DMTN: variants seen among roughly 807,000 people sequenced by gnomAD.
The protein encoded by DMTN is dematin.
In DMTN, 27 loss-of-function variants were observed where a neutral mutation model predicts 59.4. That is an observed-to-expected ratio of 0.45 (90% CI 0.33 to 0.63). The LOEUF (loss-of-function observed/expected upper bound fraction) is 0.63, where lower values mean the gene tolerates loss of function less well. Ranked by LOEUF, DMTN falls within the 20% of genes least tolerant of loss-of-function variation. The probability of loss-of-function intolerance (pLI) is 0.02; values close to 1 mark genes in which losing one functional copy is unlikely to be tolerated. For synonymous variants in DMTN, 221 were observed against 203.7 expected (o/e 1.08, Z -0.72); for missense variants, 451 against 528.9 (o/e 0.85, Z 1.45).
Position 22,069,016 on chromosome 8 carries a change from C to T in DMTN, c.250C>T (p.Arg84Cys), listed in dbSNP as rs779535109. The change falls in exon 5 of 16, where the codon CGC becomes TGC. Residue 84 changes from arginine to cysteine, a missense_variant and splice_region_variant. Physicochemically the swap from Arg to Cys is radical, Grantham distance 180. Coordinates refer to ENST00000358242, the MANE Select transcript of DMTN (RefSeq NM_001387751.1). The stretch of plus-strand genomic sequence containing the variant: ...TGACCAGCCCCCTCTCCATTCACAG[C>T]GCTCGCTGTCACCCAAATCCACATC... ...EHVELPRSRE[R>C]SLSPKSTSPP... The T allele has an allele frequency of 9.9e-6, 16 of 1,612,872 alleles. No homozygotes were observed. Among genetic ancestry groups the T allele is most frequent in the Admixed American group, 6.7e-5 (4 of 59,886 alleles).
At chr8:22,075,062 C>T (rs974644972) in intron 10 of DMTN, among the ~76,000 whole-genome samples, 5 of 151,862 alleles carry the variant, frequency 3.3e-5, no homozygotes, top group Non-Finnish European at 5.9e-5. Flanking sequence ...TGGCGCATGT[C>T]TGTAATCCCA....
chr8:22,078,071 A>G (rs1821030185), intron 10 of DMTN, among the ~76,000 whole-genome samples: 2 of 152,104 alleles, frequency 1.3e-5, no homozygotes, highest in Non-Finnish European at 1.5e-5. Flanking sequence ...TCATAAGAGT[A>G]TTTTAAGAAG....
chr8:22,067,610 C>A lies in DMTN; in HGVS notation c.177C>A (p.Pro59=), dbSNP rs1366575497. 11 of 1,614,174 alleles carry A rather than the reference C, an allele frequency of 6.8e-6. No individual in the cohort carries two copies. Among genetic ancestry groups the A allele is most frequent in the Non-Finnish European group, 9.3e-6 (11 of 1,180,040 alleles). The change falls in exon 4 of 16, where the codon CCC becomes CCA. Residue 59 remains proline, a synonymous_variant. Coordinates refer to ENST00000358242, the MANE Select transcript of DMTN (RefSeq NM_001387751.1). ...KDKAILDIER[P]DLMIYEPHFT... Reference sequence around the variant, plus strand: ...AGGCCATCCTGGACATCGAGCGGCCCGACCTCATGATCTACGAGCCTCACT... The same window carrying A: ...AGGCCATCCTGGACATCGAGCGGCCAGACCTCATGATCTACGAGCCTCACT...
Position 22,078,804 on chromosome 8 carries a change from T to TTTTTTTTG in DMTN, c.836-1369_836-1368insGTTTTTTT, listed in dbSNP as rs1335992701. 1.3e-4 allele frequency among the ~76,000 whole-genome samples: 16 copies of TTTTTTTTG among 124,000 alleles called. 2 individuals are homozygous for TTTTTTTTG. Among genetic ancestry groups the TTTTTTTTG allele is most frequent in the Non-Finnish European group, 1.7e-4 (10 of 58,938 alleles). The allele number at this position is 124,000 out of a possible 152,430, so 81.3% of individuals were successfully genotyped here. ...TGTAGTATAATGTCAGACTGTTTTT[T>TTTTTTTTG]TTTTTTTTTTGAGATGGAGTCTCGC... is the stretch of plus-strand genomic sequence containing the variant. On this transcript the variant is annotated intron_variant, in intron 10 of 15. Transcript: ENST00000358242.
chr8:22,081,173 G>T lies in DMTN; in HGVS notation c.1084G>T (p.Val362Leu). Reference protein sequence around the residue: ...NKGRTKLPPGVDRMRLERHLS... With the variant: ...NKGRTKLPPGLDRMRLERHLS... ...GGGGCGAACCAAGCTGCCACCGGGG[G>T]TGGATCGGATGCGGCTTGAGGTAGG... The change falls in exon 15 of 16, where the codon GTG becomes TTG. Residue 362 changes from valine (V) to leucine (L), a missense_variant. Physicochemically the swap from Val to Leu is conservative, Grantham distance 32. Coordinates refer to ENST00000358242, the MANE Select transcript of DMTN (RefSeq NM_001387751.1). 6.2e-7 allele frequency: 1 copy of T among 1,613,420 alleles called. No individual in the cohort carries two copies. The highest frequency in any genetic ancestry group is 8.5e-7 in the Non-Finnish European group (1 of 1,179,870).
rs1383064043 is a variant in DMTN, at chr8:22,067,550, G to A, written c.117G>A (p.Leu39=). The A allele has an allele frequency of 6.2e-7, 1 of 1,614,104 alleles. No individual in the cohort carries two copies. The highest frequency in any genetic ancestry group is 1.3e-5 in the African/African-American group (1 of 74,940). The change falls in exon 4 of 16, where the codon CTG becomes CTA. Residue 39 remains leucine, a synonymous_variant. Coordinates refer to ENST00000358242, the MANE Select transcript of DMTN (RefSeq NM_001387751.1). ...SIVAKMDNQV[L]GYKDLAAIPK... Reference sequence around the variant, plus strand: ...AGGCCAAGATGGACAATCAGGTGCTGGGCTACAAGGACCTGGCTGCCATCC... The same window carrying A: ...AGGCCAAGATGGACAATCAGGTGCTAGGCTACAAGGACCTGGCTGCCATCC...
At chr8:22,054,298 G>A (rs368914017), upstream of DMTN, among the ~76,000 whole-genome samples, 114 of 139,104 alleles carry the variant, frequency 8.2e-4, no homozygotes, top group African/African-American at 2.9e-3. Context: ...GGGACATTCC[G>A]ATAGAATGTG....
chr8:22,067,258 G>C, intron 3 of DMTN, 99 bp downstream of exon 3: 9 of 1,372,274 alleles, frequency 6.6e-6, no homozygotes, highest in Non-Finnish European at 9.0e-6. Flanking sequence ...CCTCCCCAGT[G>C]GTGGTCCCTC....
intron 3 of DMTN, 34 bp downstream of exon 3, chr8:22,067,193 G>T (rs1388025858): frequency 3.1e-6 from 5 of 1,602,122 alleles, no homozygotes; most frequent in Non-Finnish European, 4.3e-6. Flanking sequence ...GCAACCCCTG[G>T]CTGGGAGGGG....
intron 1 of DMTN, among the ~76,000 whole-genome samples, chr8:22,063,387 C>G (rs1417429039): frequency 6.6e-6 from 1 of 152,210 alleles, no homozygotes; most frequent in Non-Finnish European, 1.5e-5. Context: ...GTCTGGCTCT[C>G]AGGCTGCCAC....
Position 22,058,554 on chromosome 8 carries a change from C to CA in DMTN, c.-172+1418_-172+1419insA, listed in dbSNP as rs1804011812. 6.6e-6 allele frequency among the ~76,000 whole-genome samples: 1 copy of CA among 152,144 alleles called. No homozygotes were observed. The highest frequency in any genetic ancestry group is 1.5e-5 in the Non-Finnish European group (1 of 68,016). ...GGAGAAGATGGCTGCACAGATGCGT[C>CA]TCTGGGTGGGCTAGAGAGGCAGGAG... On this transcript the variant is annotated intron_variant, in intron 1 of 15. Coordinates refer to ENST00000358242, the MANE Select transcript of DMTN (RefSeq NM_001387751.1). This position sits in a 1 kb window ranked among gnomAD's most constrained non-coding sequence, Gnocchi z 4.3.
Position 22,080,221 on chromosome 8 carries a change from T to C in DMTN, c.877T>C (p.Tyr293His), listed in dbSNP as rs1311499771. The C allele has an allele frequency of 6.2e-7, 1 of 1,614,208 alleles. No homozygotes were observed. Among genetic ancestry groups the C allele is most frequent in the Non-Finnish European group, 8.5e-7 (1 of 1,180,042 alleles). ...GTCTAAATCTTCCTCTCTCCCCGCC[T>C]ATGGCAGGACCACCCTGAGCCGGGT... The part of the protein sequence containing the change: ...GTSKSSSLPA[Y>H]GRTTLSRLQS... The change falls in exon 11 of 16, where the codon TAT becomes CAT. Residue 293 changes from tyrosine to histidine, a missense_variant. Coordinates refer to ENST00000358242, the MANE Select transcript of DMTN (RefSeq NM_001387751.1).
chr8:22,066,618 G>A (rs902336929), intron 1 of DMTN, 87 bp from the exon 2 acceptor site: 4 of 342,236 alleles, frequency 1.2e-5, no homozygotes, highest in African/African-American at 8.6e-5. Context: ...CAGCCGCAAG[G>A]GGCCCGGCTG....
intron 1 of DMTN, among the ~76,000 whole-genome samples, chr8:22,061,415 G>A (rs1042085630): frequency 2.0e-5 from 3 of 152,224 alleles, no homozygotes; most frequent in African/African-American, 7.2e-5. Flanking sequence ...TTTGAATCAT[G>A]TTTCTGAGTG....
At chr8:22,067,935 A>C (rs960714254) in intron 4 of DMTN, among the ~76,000 whole-genome samples, 2 of 152,236 alleles carry the variant, frequency 1.3e-5, no homozygotes, top group Non-Finnish European at 1.5e-5. Context: ...AAGAGGCACA[A>C]AGAGCAAGAT....
chr8:22,062,521 G>T (rs1421770097), intron 1 of DMTN, among the ~76,000 whole-genome samples: 1 of 152,060 alleles, frequency 6.6e-6, no homozygotes, highest in Non-Finnish European at 1.5e-5. Flanking sequence ...TGCAGCCTCA[G>T]TCTTTCCTGT....
chr8:22,065,223 G>A (rs1809585879), intron 1 of DMTN, among the ~76,000 whole-genome samples: 1 of 152,080 alleles, frequency 6.6e-6, no homozygotes, highest in Admixed American at 6.6e-5. Flanking sequence ...TGCTAGAGAC[G>A]AGGTCTCCCT....
intron 8 of DMTN, 126 bp downstream of exon 8, chr8:22,070,460 C>T: frequency 8.0e-7 from 1 of 1,253,924 alleles, no homozygotes; most frequent in Non-Finnish European, 1.1e-6. Flanking sequence ...GGGCTTTTTC[C>T]TACCTTCAGG....
chr8:22,078,508 G>A lies in DMTN; in HGVS notation c.836-1672G>A, dbSNP rs1407222228. Among the ~76,000 whole-genome samples, 4 of 145,832 alleles carry A rather than the reference G, an allele frequency of 2.7e-5. No individual in the cohort carries two copies. The East Asian group carries it at 8.0e-4, about 29-fold the overall frequency. On this transcript the variant is annotated intron_variant, in intron 10 of 15. Coordinates refer to ENST00000358242, the MANE Select transcript of DMTN (RefSeq NM_001387751.1). ...GTTAACTATTTATACAAAAATGCTTGTGGAAACAGTTGGTATAAATGCCAG... is the reference window on the plus strand; with the variant it reads ...GTTAACTATTTATACAAAAATGCTTATGGAAACAGTTGGTATAAATGCCAG...
Sources: gnomAD v4.1 joint callset for allele counts (sites outside exome capture counted in the v4.1 genomes callset) on GRCh38, gnomAD v4.1.1 for gene constraint, Gnocchi (gnomAD v3.1) non-coding constraint, MANE v1.5 for transcripts, NCBI Gene and HGNC (gene_info 2026-07-23, HGNC 2026-07-21) for gene names.